Variants in SLC22A8 observed in about 807,000 individuals in gnomAD.
The protein encoded by SLC22A8 is solute carrier family 22 member 8, also known as organic anion transporter 3.
Under a neutral mutation model 48.4 loss-of-function variants are expected in SLC22A8, and 40 were observed. The ratio of observed to expected loss-of-function variants is 0.83; its 90% CI spans 0.64 to 1.08. SLC22A8 has a LOEUF of 1.08. Among genes scored for constraint, SLC22A8 ranks in the 50% least tolerant of loss-of-function variants. SLC22A8 has a pLI of 0.00. For missense variants in SLC22A8, 606 were observed against 699.0 expected, an observed-to-expected ratio of 0.87 and a Z score of 1.50; for synonymous variants, 268 against 286.3, an observed-to-expected ratio of 0.94 and a Z score of 0.65.
Position 62,999,746 on chromosome 11 carries a change from G to T in SLC22A8, c.534C>A (p.Val178=). ...AFSPTFPIYM[V]FRFLCGFGIS... is the part of the protein sequence containing the mutation. The stretch of plus-strand genomic sequence containing the variant: ...TGCCAAAGCCACACAGGAAGCGGAA[G>T]ACCATGTAGATGGGGAAGGTGGGGC... The change falls in exon 4 of 11, where the codon GTC becomes GTA. Residue 178 remains valine (V), a synonymous_variant. Coordinates refer to ENST00000336232, the MANE Select transcript of SLC22A8 (RefSeq NM_004254.4). The T allele has an allele frequency of 1.2e-6, 2 of 1,607,398 alleles. No homozygotes were observed. The highest frequency in any genetic ancestry group is 1.7e-6 in the Non-Finnish European group (2 of 1,176,954).
At chr11:62,999,665 C>A (rs1286100427) in intron 4 of SLC22A8, 23 bp downstream of exon 4, 2 of 1,494,424 alleles carry the variant, frequency 1.3e-6, no homozygotes, top group African/African-American at 2.8e-5. Context: ...CAAAGCCCAG[C>A]TCCATGCCCC....
chr11:63,012,335 C>T (rs1373170631), intron 2 of SLC22A8, among the ~76,000 whole-genome samples: 1 of 152,074 alleles, frequency 6.6e-6, no homozygotes, highest in Non-Finnish European at 1.5e-5. Context: ...TCCTTCCCCG[C>T]CACTCTTCCT....
At chr11:63,004,767 A>G (rs2086536046) in intron 2 of SLC22A8, among the ~76,000 whole-genome samples, 1 of 152,226 alleles carries the variant, frequency 6.6e-6, no homozygotes, top group Admixed American at 6.5e-5. Flanking sequence ...ATTATCAAGA[A>G]CAGTATCCGA....
chr11:63,008,015 G>A (rs990825491), intron 2 of SLC22A8, among the ~76,000 whole-genome samples: 1 of 152,194 alleles, frequency 6.6e-6, no homozygotes, highest in Admixed American at 6.5e-5. Flanking sequence ...GTGCTCTGAG[G>A]CCTGGGCTGC....
intron 7 of SLC22A8, 36 bp from the exon 8 acceptor site, chr11:62,994,792 C>G (rs377367285): frequency 4.5e-6 from 7 of 1,544,878 alleles, no homozygotes; most frequent in Non-Finnish European, 6.3e-6. Context: ...GCACCTGCAG[C>G]CAGGCAGAGG....
intron 5 of SLC22A8, 103 bp downstream of exon 5, chr11:62,998,818 G>C (rs1339166255): frequency 2.1e-6 from 2 of 973,476 alleles, no homozygotes; most frequent in Non-Finnish European, 3.1e-6. Context: ...CTCTGGGACT[G>C]GGTGCCCGGG....
intron 4 of SLC22A8, 128 bp from the exon 5 acceptor site, chr11:62,999,217 C>T: frequency 1.3e-6 from 1 of 771,948 alleles, no homozygotes; most frequent in Non-Finnish European, 2.1e-6. Flanking sequence ...TGATATCGCC[C>T]TCCGTTGGGT....
At chr11:63,009,263 C>T (rs1016273796) in intron 2 of SLC22A8, among the ~76,000 whole-genome samples, 2 of 152,088 alleles carry the variant, frequency 1.3e-5, no homozygotes, top group African/African-American at 2.4e-5. Context: ...ACCAGAGACC[C>T]GGCAGGGGAC....
rs972830178 is a variant in SLC22A8 at position 63,011,995 on chromosome 11, T to C, written c.333+2631A>G. On this transcript the variant is annotated intron_variant, in intron 2 of 10. Coordinates refer to ENST00000336232, the MANE Select transcript of SLC22A8 (RefSeq NM_004254.4). ...TGACTTTTTGCTCTCTTTTTCTTTT[T>C]TTTTTTTTTTGAGATGGGGTTGTCT... Among the ~76,000 whole-genome samples the C allele has an allele frequency of 1.7e-4, 26 of 151,886 alleles. 1 individual carries two copies. Among genetic ancestry groups the C allele is most frequent in the Admixed American group, 8.5e-4 (13 of 15,278 alleles).
intron 6 of SLC22A8, 36 bp downstream of exon 6, chr11:62,995,993 G>A: frequency 3.1e-6 from 5 of 1,613,098 alleles, no homozygotes; most frequent in Non-Finnish European, 4.2e-6. Flanking sequence ...TGGAGCACAG[G>A]GGTTCTGCTC....
chr11:63,014,860 G>C lies in SLC22A8; in HGVS notation c.99C>G (p.Asn33Lys). ...ILGLPILNMA[N>K]HNLLQIFTAA... The stretch of plus-strand genomic sequence containing the variant: ...CTGTGAAGATCTGCAGCAGGTTGTG[G>C]TTGGCCATGTTGAGGATCGGGAGGC... The change falls in exon 2 of 11, where the codon AAC (asparagine) becomes AAG (lysine). Residue 33 changes from asparagine (N) to lysine (K), a missense_variant. Asn to Lys is a moderately conservative substitution (Grantham distance 94). Coordinates refer to ENST00000336232, the MANE Select transcript of SLC22A8 (RefSeq NM_004254.4). 6.2e-7 allele frequency: 1 copy of C among 1,611,464 alleles called. No homozygotes were observed. The highest frequency in any genetic ancestry group is 8.5e-7 in the Non-Finnish European group (1 of 1,178,040).
intron 2 of SLC22A8, among the ~76,000 whole-genome samples, chr11:63,007,815 G>A (rs769550846): frequency 2.0e-5 from 3 of 152,208 alleles, no homozygotes; most frequent in South Asian, 2.1e-4. Context: ...AATTAATGGC[G>A]TAATAACCTT....
intron 2 of SLC22A8, among the ~76,000 whole-genome samples, chr11:63,004,966 G>T (rs2086538386): frequency 6.6e-6 from 1 of 152,176 alleles, no homozygotes; most frequent in African/African-American, 2.4e-5. Flanking sequence ...TAGTGTCTAG[G>T]CTGTATGTGC....
At position 62,999,701 on chromosome 11, in the gene SLC22A8, G is replaced by A; in HGVS notation, c.579C>T (p.Ser193=). ...CGFGISGITL[S]TVILNVEWVP... Reference sequence around the variant, plus strand: ...ACTGCAGCTCACTCAAGATGACGGTGCTCAGGGTAATGCCTGAGATGCCAA... The same window carrying A: ...ACTGCAGCTCACTCAAGATGACGGTACTCAGGGTAATGCCTGAGATGCCAA... The change falls in exon 4 of 11, where the codon AGC becomes AGT. Residue 193 remains serine, a synonymous_variant. Transcript: ENST00000336232. 1 of 1,585,554 alleles carries A rather than the reference G, an allele frequency of 6.3e-7. No individual in the cohort carries two copies. Among genetic ancestry groups the A allele is most frequent in the Non-Finnish European group, 8.6e-7 (1 of 1,165,136 alleles).
At chr11:63,014,028 C>T (rs2086646988) in intron 2 of SLC22A8, among the ~76,000 whole-genome samples, 1 of 152,200 alleles carries the variant, frequency 6.6e-6, no homozygotes, top group Non-Finnish European at 1.5e-5. Context: ...TCTGGGTCTG[C>T]TGTGGAGTGT....
At chr11:63,004,799 T>C (rs2086536312) in intron 2 of SLC22A8, among the ~76,000 whole-genome samples, 1 of 152,244 alleles carries the variant, frequency 6.6e-6, no homozygotes, top group Admixed American at 6.5e-5. Flanking sequence ...CACTCAATAC[T>C]TGTGGAATTG....
At position 63,014,798 on chromosome 11, in the gene SLC22A8, T is replaced by C. The variant is rs374281863; in HGVS notation, c.161A>G (p.Asn54Ser). 30 of 1,612,934 alleles carry C rather than the reference T, an allele frequency of 1.9e-5. No homozygotes were observed. The African/African-American group carries it at 2.9e-4, about 16-fold the overall frequency. Residue 54 changes from asparagine (N) to serine (S), a missense_variant, in exon 2 of 11, where the codon AAT becomes AGT. By Grantham distance (46) the Asn-to-Ser change is conservative. Transcript: ENST00000336232. ...GAGCACCCAAGGCCCTGTGGAGGCA[T>C]TGTGGGGCGGGCGACAGTGGTGGAC... ...TPVHHCRPPH[N>S]ASTGPWVLPM...
intron 8 of SLC22A8, 199 bp from the exon 9 acceptor site, chr11:62,994,077 T>C: frequency 1.7e-6 from 1 of 597,088 alleles, no homozygotes; most frequent in Non-Finnish European, 3.0e-6. Context: ...TTTCCATTTA[T>C]ATTTTGTTGT....
intron 2 of SLC22A8, among the ~76,000 whole-genome samples, chr11:63,004,473 ATGT>A (rs2086532811): frequency 6.6e-6 from 1 of 152,090 alleles, no homozygotes. Context: ...GTCTTGGTGT[ATGT>A]TGTTCTCTTT....
Sources: gnomAD v4.1 joint callset for allele counts (sites outside exome capture counted in the v4.1 genomes callset) on GRCh38, gnomAD v4.1.1 for gene constraint, MANE v1.5 for transcripts, NCBI Gene and HGNC (gene_info 2026-07-23, HGNC 2026-07-21) for gene names.